The following KCNAB3 variants were observed in gnomAD, a reference collection of about 807,000 sequenced individuals.
The protein encoded by KCNAB3 is voltage-gated potassium channel subunit beta-3.
A neutral mutation model predicts 67.7 loss-of-function variants in KCNAB3; 62 were observed. That is an observed-to-expected ratio of 0.92 (90% confidence interval 0.75 to 1.13). The LOEUF (loss-of-function observed/expected upper bound fraction) is 1.13, where lower values mean the gene tolerates loss of function less well. Among genes scored for constraint, KCNAB3 ranks in the 50% most tolerant of loss-of-function variants. KCNAB3 has a pLI of 0.00. For synonymous variants in KCNAB3, 212 were observed against 205.4 expected, an observed-to-expected ratio of 1.03 and a Z score of -0.27; for missense variants, 514 against 522.9, an observed-to-expected ratio of 0.98 and a Z score of 0.17.
chr17:7,924,322 T>C, intron 9 of KCNAB3, 57 bp from the exon 10 acceptor site: 1 of 1,611,692 alleles, frequency 6.2e-7, no homozygotes. Context: ...TTTTCTTCTC[T>C]GCCTTCTCCC....
At chr17:7,924,329 T>G (rs1474676641) in intron 9 of KCNAB3, 64 bp from the exon 10 acceptor site, 2 of 1,610,818 alleles carry the variant, frequency 1.2e-6, no homozygotes, top group Non-Finnish European at 1.7e-6. Context: ...CTCTGCCTTC[T>G]CCCCCAGTGC....
In KCNAB3 at chr17:7,922,805, G is replaced by GTGTAGATCTCGGTGGTC; in HGVS notation, c.*296_*297insGACCACCGAGATCTACA. On this transcript the variant is annotated 3_prime_UTR_variant, in exon 14 of 14. Coordinates refer to ENST00000303790, the MANE Select transcript of KCNAB3 (RefSeq NM_004732.4). The stretch of plus-strand genomic sequence containing the variant: ...CCTCGGGAATAAGGGGAGGAGAGTA[G>GTGTAGATCTCGGTGGTC]GGAGCGAGACGAAGTGGCAGAGAGC... 2.0e-6 allele frequency: 1 copy of GTGTAGATCTCGGTGGTC among 502,522 alleles called. No individual in the cohort carries two copies. The highest frequency in any genetic ancestry group is 3.6e-6 in the Non-Finnish European group (1 of 275,326). 31.1% of individuals were successfully genotyped at this position (502,522 alleles called of 1,614,324 possible).
In KCNAB3 at chr17:7,923,079, T is replaced by A; in HGVS notation, c.*23A>T. 6.2e-7 allele frequency: 1 copy of A among 1,610,888 alleles called. No homozygotes were observed. Among genetic ancestry groups the A allele is most frequent in the Non-Finnish European group, 8.5e-7 (1 of 1,177,148 alleles). ...TCGGGCGGGTGCAGCGACACCGGGT[T>A]GGGTCCCTGCGCCCGCGACAGACTA... On this transcript the variant is annotated 3_prime_UTR_variant, in exon 14 of 14. Transcript: ENST00000303790.
chr17:7,929,721 T>A lies in KCNAB3; in HGVS notation c.-286A>T. ...ATTAGGAGGGGGAAATGGATGAGGGTAAAGGTCGAGGATGAGGTAAAGGTC... is the reference window on the plus strand; with the variant it reads ...ATTAGGAGGGGGAAATGGATGAGGGAAAAGGTCGAGGATGAGGTAAAGGTC... On this transcript the variant is annotated 5_prime_UTR_variant, in exon 1 of 14. Transcript: ENST00000303790. The surrounding 1 kb of genome is among the most constrained non-coding windows in gnomAD (Gnocchi z 5.7). 8.0e-7 allele frequency: 1 copy of A among 1,254,318 alleles called. No homozygotes were observed. The highest frequency in any genetic ancestry group is 1.0e-6 in the Non-Finnish European group (1 of 993,912). The allele number at this position is 1,254,318 out of a possible 1,614,324, so 77.7% of individuals were successfully genotyped here. A position where few individuals can be genotyped will look rare whatever the true frequency, so the allele number is the denominator to read the frequency against.
chr17:7,925,009 G>A (rs1473711357), intron 8 of KCNAB3, 88 bp downstream of exon 8: 13 of 1,227,638 alleles, frequency 1.1e-5, no homozygotes, highest in South Asian at 5.0e-5. Context: ...GCCTCCCAAC[G>A]TCCTGGGATT....
chr17:7,923,292 G>T, intron 13 of KCNAB3, 113 bp from the exon 14 acceptor site: 1 of 1,286,626 alleles, frequency 7.8e-7, no homozygotes, highest in South Asian at 1.2e-5. Context: ...CAAGGCAAGA[G>T]CCGCAGCTGT....
At chr17:7,926,495 C>G (rs1050717771) in intron 4 of KCNAB3, among the ~76,000 whole-genome samples, 7 of 152,186 alleles carry the variant, frequency 4.6e-5, no homozygotes, top group African/African-American at 1.7e-4. Flanking sequence ...AAGCTCAGCT[C>G]AAATTCTGCC....
In KCNAB3 at chr17:7,922,944, C is replaced by G; in HGVS notation, c.*158G>C. 1 of 676,976 alleles carries G rather than the reference C, an allele frequency of 1.5e-6. No individual in the cohort carries two copies. Among genetic ancestry groups the G allele is most frequent in the Non-Finnish European group, 2.7e-6 (1 of 376,408 alleles). 41.9% of individuals were successfully genotyped at this position (676,976 alleles called of 1,614,324 possible). A position where few individuals can be genotyped will look rare whatever the true frequency, so the allele number is the denominator to read the frequency against. On this transcript the variant is annotated 3_prime_UTR_variant, in exon 14 of 14. Transcript: ENST00000303790. ...CACTGCAAAAGGATATGGCTTTGTT[C>G]ATGCGTATCACTACTCGAAGCCGGG...
In KCNAB3 at chr17:7,929,837, G is replaced by T. The variant is rs1464864153; in HGVS notation, c.-402C>A. On this transcript the variant is annotated 5_prime_UTR_variant, in exon 1 of 14. Transcript: ENST00000303790. This position sits in a 1 kb window ranked among gnomAD's most constrained non-coding sequence, Gnocchi z 5.7. ...CGGGACCCGCTGGGCTCCCAGCCGC[G>T]TCGGCAGCGGGCCCAGCTCATCAGC... The T allele has an allele frequency of 1.0e-5, 11 of 1,075,202 alleles. No homozygotes were observed. The Admixed American group carries it at 2.0e-4, about 20-fold the overall frequency. The allele number at this position is 1,075,202 out of a possible 1,614,324, so 66.6% of individuals were successfully genotyped here.
Position 7,929,134 on chromosome 17 carries a change from G to T in KCNAB3, c.242+60C>A. The stretch of plus-strand genomic sequence containing the variant: ...GAAGGGGTCTTGGCGGCCATCTCAA[G>T]CAGTCTCAGGGGTCCCGAAAGGAAA... On this transcript the variant is annotated intron_variant, in intron 1 of 13. Coordinates refer to ENST00000303790, the MANE Select transcript of KCNAB3 (RefSeq NM_004732.4). This position sits in a 1 kb window ranked among gnomAD's most constrained non-coding sequence, Gnocchi z 5.7. 1.9e-6 allele frequency: 3 copies of T among 1,586,992 alleles called. No individual in the cohort carries two copies. The highest frequency in any genetic ancestry group is 2.6e-6 in the Non-Finnish European group (3 of 1,170,012).
chr17:7,929,194 C>T lies in KCNAB3; in HGVS notation c.242G>A (p.Arg81Lys). 6.2e-7 allele frequency: 1 copy of T among 1,611,978 alleles called. No homozygotes were observed. The highest frequency in any genetic ancestry group is 8.5e-7 in the Non-Finnish European group (1 of 1,179,588). ...STGRGTGMKY[R>K]NLGKSGLRVS... is the part of the protein sequence containing the mutation. The stretch of plus-strand genomic sequence containing the variant: ...GTGGGCTGCCCGGCCACCCCCATAC[C>T]TGTATTTCATGCCAGTGCCTCGGCC... Residue 81 changes from arginine (R) to lysine (K), a missense_variant and splice_region_variant, in exon 1 of 14, where the codon AGG becomes AAG. Coordinates refer to ENST00000303790, the MANE Select transcript of KCNAB3 (RefSeq NM_004732.4). This position sits in a 1 kb window ranked among gnomAD's most constrained non-coding sequence, Gnocchi z 5.7.
chr17:7,926,487 G>C (rs879932416), intron 4 of KCNAB3, among the ~76,000 whole-genome samples: 7 of 152,130 alleles, frequency 4.6e-5, no homozygotes, highest in Non-Finnish European at 1.0e-4. Context: ...GTCCTCCAAA[G>C]CTCAGCTCAA....
intron 1 of KCNAB3, among the ~76,000 whole-genome samples, chr17:7,928,641 A>G (rs1972315799): frequency 6.6e-6 from 1 of 152,148 alleles, no homozygotes; most frequent in Non-Finnish European, 1.5e-5. Flanking sequence ...CTCTGAGATA[A>G]AGTCAGTTAC....
intron 8 of KCNAB3, 118 bp downstream of exon 8, chr17:7,924,979 C>A: frequency 2.3e-6 from 2 of 870,882 alleles, no homozygotes; most frequent in Non-Finnish European, 3.7e-6. Context: ...CTCCAGGCCC[C>A]AAGTGATCCT....
intron 6 of KCNAB3, 50 bp from the exon 7 acceptor site, chr17:7,925,776 G>C: frequency 6.2e-7 from 1 of 1,611,244 alleles, no homozygotes; most frequent in East Asian, 2.2e-5. Context: ...ATAGGGGACC[G>C]GGGCTGGCTT....
rs1354390266 is a variant in KCNAB3, at chr17:7,925,714, C to T, written c.507G>A (p.Glu169=). ...KIFWGGQAET[E]RGLSRKHIIE... ...TGATGTGCTTTCGGCTTAAACCTCG[C>T]TCGGTTTCTGCCCTGTAGGAAAAGG... The change falls in exon 7 of 14, where the codon GAG becomes GAA. Residue 169 remains glutamate, a synonymous_variant. Transcript: ENST00000303790. 1.9e-6 allele frequency: 3 copies of T among 1,614,032 alleles called. No individual in the cohort carries two copies. The highest frequency in any genetic ancestry group is 2.5e-6 in the Non-Finnish European group (3 of 1,180,020).
At chr17:7,925,756 T>C (rs1972207908) in intron 6 of KCNAB3, 30 bp from the exon 7 acceptor site, 1 of 1,613,816 alleles carries the variant, frequency 6.2e-7, no homozygotes, top group Non-Finnish European at 8.5e-7. Context: ...AAAGATGAGA[T>C]GTGACAAAGA....
In KCNAB3 at chr17:7,923,838, G is replaced by A. The variant is rs750861573; in HGVS notation, c.928-7C>T. The A allele has an allele frequency of 2.5e-6, 4 of 1,569,590 alleles. No homozygotes were observed. The highest frequency in any genetic ancestry group is 1.7e-6 in the Non-Finnish European group (2 of 1,157,262). On this transcript the variant is annotated splice_region_variant and splice_polypyrimidine_tract_variant and intron_variant, in intron 11 of 13. Transcript: ENST00000303790. ...CCTTGAGCCACTGGTAGCCCTGGAG[G>A]CCAAGAAGAATCAACAGAAGACCCC...
Position 7,923,095 on chromosome 17 carries a change from C to T in KCNAB3, c.*7G>A, listed in dbSNP as rs1477829563. ...ACACCGGGTTGGGTCCCTGCGCCCGCGACAGACTACTTCTTGGAATGCGGC... is the reference window on the plus strand; with the variant it reads ...ACACCGGGTTGGGTCCCTGCGCCCGTGACAGACTACTTCTTGGAATGCGGC... On this transcript the variant is annotated 3_prime_UTR_variant, in exon 14 of 14. Transcript: ENST00000303790. 1.2e-6 allele frequency: 2 copies of T among 1,613,972 alleles called. No homozygotes were observed. The highest frequency in any genetic ancestry group is 2.2e-5 in the East Asian group (1 of 44,876).
Sources: gnomAD v4.1 joint callset for allele counts (sites outside exome capture counted in the v4.1 genomes callset) on GRCh38, gnomAD v4.1.1 for gene constraint, Gnocchi (gnomAD v3.1) non-coding constraint, MANE v1.5 for transcripts, NCBI Gene and HGNC (gene_info 2026-07-23, HGNC 2026-07-21) for gene names.